DOCK3: variants seen among roughly 807,000 people sequenced by gnomAD.
DOCK3 encodes the protein dedicator of cytokinesis 3, also known as dedicator of cytokinesis protein 3.
Under a neutral mutation model 265.6 loss-of-function variants are expected in DOCK3, and 60 were observed. The observed-to-expected ratio is 0.23, with a 90% CI of 0.18 to 0.28. The LOEUF (loss-of-function observed/expected upper bound fraction) is 0.28. Ranked by LOEUF, DOCK3 falls within the 10% of genes least tolerant of loss-of-function variation. The pLI, the probability that DOCK3 is intolerant of heterozygous loss-of-function variation, is 1.00. For synonymous variants in DOCK3, 881 were observed against 938.0 expected, an observed-to-expected ratio of 0.94 and a Z score of 1.11; for missense variants, 1,981 against 2,594.3, an observed-to-expected ratio of 0.76 and a Z score of 5.14.
At chr3:50,922,360 A>C (rs1176478022) in intron 4 of DOCK3, among the ~76,000 whole-genome samples, 1 of 152,234 alleles carries the variant, frequency 6.6e-6, no homozygotes, top group Non-Finnish European at 1.5e-5. Context: ...TGAGCCAGGC[A>C]TGGGATATAA....
intron 4 of DOCK3, among the ~76,000 whole-genome samples, chr3:50,920,943 G>A (rs2050421961): frequency 6.6e-6 from 1 of 152,150 alleles, no homozygotes; most frequent in African/African-American, 2.4e-5. Flanking sequence ...ATTCTGGTAT[G>A]TTATGTCTTT....
At chr3:51,345,675 C>T (rs550250494) in intron 38 of DOCK3, among the ~76,000 whole-genome samples, 146 of 152,148 alleles carry the variant, frequency 9.6e-4, no homozygotes, top group Admixed American at 1.8e-3. Flanking sequence ...ACAACAACAA[C>T]AAAAACCTCT....
At chr3:51,340,166 G>A (rs2085145395) in intron 37 of DOCK3, among the ~76,000 whole-genome samples, 2 of 152,310 alleles carry the variant, frequency 1.3e-5, no homozygotes, top group South Asian at 4.1e-4. Context: ...AAACTCCTAG[G>A]AAACGGGGCC....
rs552736301 is a variant in DOCK3 at position 51,114,312 on chromosome 3, G to A, written c.746+23928G>A. Among the ~76,000 whole-genome samples the A allele has an allele frequency of 1.8e-4, 28 of 152,230 alleles. No individual in the cohort carries two copies. The South Asian group carries it at 4.6e-3, about 25-fold the overall frequency. On this transcript the variant is annotated intron_variant, in intron 9 of 52. Transcript: ENST00000266037. ...GTAGACTGTAAAGGAGCAGTCAGAC[G>A]GGAGAATCAGTAGAAGCCAACAAAG...
chr3:51,350,771 C>G (rs574663077), intron 40 of DOCK3, among the ~76,000 whole-genome samples: 58 of 152,338 alleles, frequency 3.8e-4, no homozygotes, highest in African/African-American at 1.3e-3. Flanking sequence ...CTGACTTTAA[C>G]AGTAGACTGG....
intron 9 of DOCK3, among the ~76,000 whole-genome samples, chr3:51,133,776 T>G (rs1215535701): frequency 6.6e-6 from 1 of 151,510 alleles, no homozygotes; most frequent in Admixed American, 6.6e-5. Context: ...GGAAGGAACA[T>G]AGAGTTGGGT....
chr3:51,087,946 C>T (rs1276256411), intron 7 of DOCK3, among the ~76,000 whole-genome samples: 1 of 152,096 alleles, frequency 6.6e-6, no homozygotes, highest in Non-Finnish European at 1.5e-5. Flanking sequence ...GACACCAGCA[C>T]CCTTGTGTTT....
chr3:50,734,175 T>C (rs2038411801), intron 1 of DOCK3, among the ~76,000 whole-genome samples: 1 of 152,210 alleles, frequency 6.6e-6, no homozygotes, highest in African/African-American at 2.4e-5. Flanking sequence ...AGCAACATGT[T>C]ACACACAACA....
chr3:51,046,976 A>C (rs961479378), intron 5 of DOCK3, among the ~76,000 whole-genome samples: 2 of 152,176 alleles, frequency 1.3e-5, no homozygotes, highest in Admixed American at 1.3e-4. Context: ...GAAATTAGAA[A>C]GTTTCTCAAG....
intron 33 of DOCK3, among the ~76,000 whole-genome samples, chr3:51,331,338 C>T (rs1472265270): frequency 6.6e-6 from 1 of 151,956 alleles, no homozygotes; most frequent in Non-Finnish European, 1.5e-5. Flanking sequence ...TCTTTTTTAG[C>T]CGAAGATTTG....
intron 19 of DOCK3, among the ~76,000 whole-genome samples, chr3:51,230,376 T>A (rs2090494347): frequency 6.6e-6 from 1 of 152,168 alleles, no homozygotes; most frequent in Admixed American, 6.5e-5. Flanking sequence ...CAGTATTTGG[T>A]TTTTCTGTTC....
chr3:50,821,551 C>T (rs1472417852), intron 2 of DOCK3, among the ~76,000 whole-genome samples: 8 of 152,180 alleles, frequency 5.3e-5, no homozygotes, highest in Admixed American at 3.3e-4. Flanking sequence ...CCGCCTGCCT[C>T]GGCCTCCCAA....
At chr3:51,163,910 TTTAAA>T (rs1380326958) in intron 12 of DOCK3, among the ~76,000 whole-genome samples, 3 of 152,172 alleles carry the variant, frequency 2.0e-5, no homozygotes, top group Non-Finnish European at 4.4e-5. Flanking sequence ...AAAAAATTTA[TTTAAA>T]TTATTCATAT....
chr3:51,255,455 A>G (rs1306230174), intron 22 of DOCK3, among the ~76,000 whole-genome samples: 2 of 152,218 alleles, frequency 1.3e-5, no homozygotes, highest in African/African-American at 4.8e-5. Flanking sequence ...AATATCCTAA[A>G]GAGTGTTTTC....
intron 3 of DOCK3, among the ~76,000 whole-genome samples, chr3:50,889,284 A>C (rs920064649): frequency 6.6e-6 from 1 of 151,848 alleles, no homozygotes; most frequent in Non-Finnish European, 1.5e-5. Context: ...GGATCTTGCT[A>C]TGTTGCCCAG....
chr3:50,695,760 A>G (rs1576129338), intron 1 of DOCK3, among the ~76,000 whole-genome samples: 1 of 152,206 alleles, frequency 6.6e-6, no homozygotes, highest in Non-Finnish European at 1.5e-5. Context: ...GGGGGTCGCT[A>G]GAAGCTCTAC....
chr3:50,697,994 T>C (rs1457170615), intron 1 of DOCK3, among the ~76,000 whole-genome samples: 1 of 152,216 alleles, frequency 6.6e-6, no homozygotes, highest in Non-Finnish European at 1.5e-5. Flanking sequence ...TTTTTCTTTT[T>C]TTATCTTTTA....
At chr3:51,265,195 T>C (rs2080097308) in intron 23 of DOCK3, among the ~76,000 whole-genome samples, 2 of 152,052 alleles carry the variant, frequency 1.3e-5, no homozygotes, top group African/African-American at 4.8e-5. Flanking sequence ...AGATCTGAAA[T>C]TGAGGTAGAA....
intron 1 of DOCK3, among the ~76,000 whole-genome samples, chr3:50,689,241 C>A (rs1479576940): frequency 2.0e-5 from 3 of 152,174 alleles, no homozygotes; most frequent in Non-Finnish European, 4.4e-5. Flanking sequence ...AGCTTCACCT[C>A]GGATCATCAG....
Sources: allele counts gnomAD v4.1 joint callset (sites outside exome capture counted in the v4.1 genomes callset), GRCh38; gene constraint gnomAD v4.1.1; transcripts MANE v1.5; gene names NCBI Gene and HGNC (gene_info 2026-07-23, HGNC 2026-07-21).